FSHR: variants seen among roughly 807,000 people sequenced by gnomAD.
FSHR encodes the protein follicle-stimulating hormone receptor.
In FSHR, 46 loss-of-function variants were observed where a neutral mutation model predicts 52.1. That is an observed-to-expected ratio of 0.88 (90% CI 0.70 to 1.13). The LOEUF is 1.13. Among genes scored for constraint, FSHR ranks in the 50% most tolerant of loss-of-function variants. FSHR has a pLI of 0.00. For missense variants in FSHR, 964 were observed against 834.6 expected (o/e 1.16, Z -1.91); for synonymous variants, 399 against 309.6 (o/e 1.29, Z -3.03).
intron 1 of FSHR, among the ~76,000 whole-genome samples, chr2:49,133,988 C>G (rs745861240): frequency 1.3e-5 from 2 of 152,102 alleles, no homozygotes; most frequent in African/African-American, 2.4e-5. Flanking sequence ...TAGGCAATAC[C>G]ATTAAGACCA....
chr2:49,084,534 CA>C (rs1443211307), intron 1 of FSHR, among the ~76,000 whole-genome samples: 1 of 152,006 alleles, frequency 6.6e-6, no homozygotes, highest in Non-Finnish European at 1.5e-5. Flanking sequence ...AAAAACCTTT[CA>C]AAAAATTAAT....
intron 4 of FSHR, among the ~76,000 whole-genome samples, chr2:49,016,030 A>G (rs916767697): frequency 1.3e-5 from 2 of 152,116 alleles, no homozygotes; most frequent in Non-Finnish European, 2.9e-5. Context: ...TCCAGGTCAT[A>G]TGAATTGTCT....
chr2:49,130,999 G>T (rs1008278079), intron 1 of FSHR, among the ~76,000 whole-genome samples: 1 of 152,098 alleles, frequency 6.6e-6, no homozygotes, highest in African/African-American at 2.4e-5. Flanking sequence ...TGATTTCTCT[G>T]GGAGTGTTAC....
At chr2:48,971,743 A>C (rs369770449) in intron 8 of FSHR, among the ~76,000 whole-genome samples, 1 of 152,116 alleles carries the variant, frequency 6.6e-6, no homozygotes, top group African/African-American at 2.4e-5. Flanking sequence ...AGTTTTGTCA[A>C]TTTTTGCCTT....
chr2:49,101,685 A>G (rs770298221), intron 1 of FSHR, among the ~76,000 whole-genome samples: 1 of 152,270 alleles, frequency 6.6e-6, no homozygotes, highest in Non-Finnish European at 1.5e-5. Context: ...ATCTGAACCA[A>G]ATATCTGAAA....
chr2:49,134,949 A>C (rs1443796644), intron 1 of FSHR, among the ~76,000 whole-genome samples: 1 of 152,184 alleles, frequency 6.6e-6, no homozygotes, highest in Non-Finnish European at 1.5e-5. Flanking sequence ...TAGCATTGGG[A>C]GATATACCTA....
intron 1 of FSHR, among the ~76,000 whole-genome samples, chr2:49,147,439 C>T (rs1174626866): frequency 6.6e-6 from 1 of 152,008 alleles, no homozygotes; most frequent in Admixed American, 6.6e-5. Context: ...CCATTTGCTG[C>T]CACAATGTCC....
At chr2:49,088,050 C>T (rs530831724) in intron 1 of FSHR, among the ~76,000 whole-genome samples, 1 of 152,168 alleles carries the variant, frequency 6.6e-6, no homozygotes, top group Admixed American at 6.5e-5. Flanking sequence ...ACTATCCATA[C>T]TTGTGTCCAC....
intron 1 of FSHR, among the ~76,000 whole-genome samples, chr2:49,127,898 C>CTTTTCTTTTTT (rs1672120233): frequency 3.7e-5 from 1 of 27,258 alleles, no homozygotes; most frequent in African/African-American, 1.8e-4. Context: ...TCTTCTTCTT[C>CTTTTCTTTTTT]TTTTTTTTTT....
intron 1 of FSHR, among the ~76,000 whole-genome samples, chr2:49,123,892 G>A (rs1347615863): frequency 6.6e-6 from 1 of 152,164 alleles, no homozygotes; most frequent in East Asian, 1.9e-4. Context: ...TGTGGCTTAA[G>A]TCTGTAGCTG....
chr2:49,135,999 A>G (rs894654148), intron 1 of FSHR, among the ~76,000 whole-genome samples: 24 of 152,090 alleles, frequency 1.6e-4, no homozygotes, highest in African/African-American at 5.3e-4. Context: ...GTCGCCCCAC[A>G]TAGTTTAATC....
chr2:49,016,675 G>C (rs12470147), intron 4 of FSHR, among the ~76,000 whole-genome samples: 77,637 of 151,746 alleles, frequency 0.51, 20,192 homozygotes, highest in East Asian at 0.78. Flanking sequence ...AACTCACAGA[G>C]AGGTAAAAAA....
intron 2 of FSHR, among the ~76,000 whole-genome samples, chr2:49,027,298 G>A (rs1365808283): frequency 2.0e-5 from 3 of 152,344 alleles, no homozygotes; most frequent in African/African-American, 4.8e-5. Flanking sequence ...GTGGTTTGAT[G>A]TTGGTCATAG....
chr2:49,043,570 C>T (rs1181603716), intron 2 of FSHR, among the ~76,000 whole-genome samples: 1 of 152,182 alleles, frequency 6.6e-6, no homozygotes, highest in Non-Finnish European at 1.5e-5. Flanking sequence ...TAATTTGAAT[C>T]TGTCTGTTCT....
In FSHR at chr2:49,090,587, A is replaced by C. The variant is rs1670566782; in HGVS notation, c.153-22297T>G. ...AGAGCTGCTATAAACACTTATGTGG[A>C]GGTTTCTTATGAATAGAACTTTTCA... On this transcript the variant is annotated intron_variant, in intron 1 of 9. Coordinates refer to ENST00000406846, the MANE Select transcript of FSHR (RefSeq NM_000145.4). Among the ~76,000 whole-genome samples the C allele has an allele frequency of 2.6e-5, 4 of 152,148 alleles. No individual in the cohort carries two copies. In the South Asian group the frequency reaches 8.3e-4, roughly 31 times the overall value.
At chr2:49,033,403 G>C (rs1290100) in intron 2 of FSHR, among the ~76,000 whole-genome samples, 64,296 of 151,990 alleles carry the variant, frequency 0.42, 14,182 homozygotes, top group East Asian at 0.66. Context: ...GTTATGGTTG[G>C]TTTTTCTTTC....
intron 9 of FSHR, among the ~76,000 whole-genome samples, chr2:48,964,326 A>C (rs574528703): frequency 1.7e-3 from 264 of 152,248 alleles, no homozygotes; most frequent in African/African-American, 6.1e-3. Context: ...GCTATCTCTT[A>C]ATACACCTGA....
At chr2:49,085,317 A>G (rs904516969) in intron 1 of FSHR, among the ~76,000 whole-genome samples, 3 of 152,264 alleles carry the variant, frequency 2.0e-5, no homozygotes, top group African/African-American at 4.8e-5. Flanking sequence ...AAAACTCTCA[A>G]TAAATTAGGT....
At position 49,020,123 on chromosome 2, in the gene FSHR, C is replaced by A. The variant is rs1226901298; in HGVS notation, c.262G>T (p.Ala88Ser). The change falls in exon 3 of 10, where the codon GCA (alanine) becomes TCA (serine). Residue 88 changes from alanine to serine, a missense_variant. Transcript: ENST00000406846. ...SQNDVLEVIE[A>S]DVFSNLPKLH... ...TTGGGAAGGTTGGAGAACACATCTG[C>A]CTCTATCACCTCCAAGACATCATTC... The A allele has an allele frequency of 6.2e-7, 1 of 1,613,550 alleles. No homozygotes were observed. Among genetic ancestry groups the A allele is most frequent in the African/African-American group, 1.3e-5 (1 of 74,862 alleles).
Sources: gnomAD v4.1 joint callset for allele counts (sites outside exome capture counted in the v4.1 genomes callset) on GRCh38, gnomAD v4.1.1 for gene constraint, MANE v1.5 for transcripts, NCBI Gene and HGNC (gene_info 2026-07-23, HGNC 2026-07-21) for gene names.